MIER3: variants seen among roughly 807,000 people sequenced by gnomAD.
MIER3 encodes MIER family member 3.
MIER3 carries 9 observed loss-of-function variants against 63.2 expected under a neutral mutation model. The observed-to-expected ratio is 0.14, with a 90% confidence interval of 0.09 to 0.25. The LOEUF (loss-of-function observed/expected upper bound fraction) is 0.25. Among genes scored for constraint, MIER3 ranks in the 10% least tolerant of loss-of-function variants. The pLI is 1.00. For synonymous variants in MIER3, 205 were observed against 224.9 expected, an observed-to-expected ratio of 0.91 and a Z score of 0.79; for missense variants, 512 against 666.2, an observed-to-expected ratio of 0.77 and a Z score of 2.55.
At position 56,922,025 on chromosome 5, in the gene MIER3, T is replaced by C. The variant is rs1009746321; in HGVS notation, c.*1103A>G. 2.6e-5 allele frequency: 4 copies of C among 152,634 alleles called. No individual in the cohort carries two copies. The highest frequency in any genetic ancestry group is 1.5e-5 in the Non-Finnish European group (1 of 68,036). The allele number at this position is 152,634 out of a possible 1,614,324, so 9.5% of individuals were successfully genotyped here. A position where few individuals can be genotyped will look rare whatever the true frequency, so the allele number is the denominator to read the frequency against. ...TGGTAATGTACCATTCTATTTCAGA[T>C]AGGAACTCACATTATTCTTGCCAAC... is the stretch of plus-strand genomic sequence containing the variant. On this transcript the variant is annotated 3_prime_UTR_variant, in exon 13 of 13. Transcript: ENST00000381199.
chr5:56,940,901 C>A, intron 3 of MIER3: 1 of 901,114 alleles, frequency 1.1e-6, no homozygotes, highest in Non-Finnish European at 1.3e-6. Context: ...ACAAGAGGTG[C>A]CTGGGTTGCA....
intron 4 of MIER3, chr5:56,938,296 A>G (rs1310658253): frequency 4.2e-6 from 2 of 471,148 alleles, no homozygotes; most frequent in Non-Finnish European, 8.8e-6. Flanking sequence ...TATAACTCAC[A>G]GGAAGAGGTT....
chr5:56,927,678 G>T (rs252896), intron 10 of MIER3, among the ~76,000 whole-genome samples: 2 of 152,186 alleles, frequency 1.3e-5, no homozygotes, highest in Non-Finnish European at 1.5e-5. Context: ...TTGGAGTAGT[G>T]TATCTGTTAA....
At chr5:56,938,288 T>TA in intron 4 of MIER3, 1 of 471,206 alleles carries the variant, frequency 2.1e-6, no homozygotes, top group South Asian at 1.5e-5. Flanking sequence ...GGGAACAATA[T>TA]AACTCACAGG....
At position 56,935,730 on chromosome 5, in the gene MIER3, T is replaced by C; in HGVS notation, c.458A>G (p.Asp153Gly). 3 of 1,614,008 alleles carry C rather than the reference T, an allele frequency of 1.9e-6. No homozygotes were observed. The highest frequency in any genetic ancestry group is 1.1e-5 in the South Asian group (1 of 91,062). The change falls in exon 6 of 13, where the codon GAT (aspartate) becomes GGT (glycine). Residue 153 changes from aspartate (D) to glycine (G), a missense_variant. By Grantham distance (94) the Asp-to-Gly change is moderately conservative (BLOSUM62 -1). Transcript: ENST00000381199. Reference protein sequence around the residue: ...PLRSNTACDGDKESEVEDVET... With the variant: ...PLRSNTACDGGKESEVEDVET... ...AACATCTTCAACCTCTGATTCCTTA[T>C]CACCATCACATGCAGTATTTGCTTA...
At position 56,933,191 on chromosome 5, in the gene MIER3, A is replaced by C. The variant is rs956362538; in HGVS notation, c.747+56T>G. ...GTTAAAAATATCTGTATCAAATATA[A>C]GAAATCAAGAAGATACTGTAAACTG... On this transcript the variant is annotated intron_variant, in intron 8 of 12. Transcript: ENST00000381199. The C allele has an allele frequency of 1.3e-5, 19 of 1,464,692 alleles. No individual in the cohort carries two copies. The African/African-American group carries it at 2.3e-4, about 18-fold the overall frequency. The allele number at this position is 1,464,692 out of a possible 1,614,324, so 90.7% of individuals were successfully genotyped here.
intron 3 of MIER3, among the ~76,000 whole-genome samples, chr5:56,943,799 G>A (rs1380816237): frequency 6.6e-6 from 1 of 152,128 alleles, no homozygotes; most frequent in East Asian, 1.9e-4. Context: ...AAGGATCTGT[G>A]GTAGCTAAAT....
Position 56,933,307 on chromosome 5 carries a change from A to G in MIER3, c.687T>C (p.Thr229=). The G allele has an allele frequency of 6.2e-7, 1 of 1,613,388 alleles. No individual in the cohort carries two copies. Among genetic ancestry groups the G allele is most frequent in the East Asian group, 2.2e-5 (1 of 44,792 alleles). ...KEYLVETSLR[T]GSEKIMDRIS... The stretch of plus-strand genomic sequence containing the variant: ...TCCTATCCATTATTTTTTCACTGCC[A>G]GTCCTTAATGAAGTCTCAACAAGGT... Residue 229 remains threonine (T), a synonymous_variant, in exon 8 of 13, where the codon ACT becomes ACC. Transcript: ENST00000381199.
At chr5:56,942,660 C>T (rs1056188635) in intron 3 of MIER3, among the ~76,000 whole-genome samples, 2 of 151,806 alleles carry the variant, frequency 1.3e-5, no homozygotes, top group East Asian at 3.9e-4. Flanking sequence ...AATTAAAATG[C>T]GGGCAAAGAA....
At position 56,935,506 on chromosome 5, in the gene MIER3, G is replaced by C; in HGVS notation, c.523-6C>G. 1 of 1,577,836 alleles carries C rather than the reference G, an allele frequency of 6.3e-7. No individual in the cohort carries two copies. Among genetic ancestry groups the C allele is most frequent in the Non-Finnish European group, 8.6e-7 (1 of 1,167,892 alleles). On this transcript the variant is annotated splice_region_variant and splice_polypyrimidine_tract_variant and intron_variant, in intron 6 of 12. Transcript: ENST00000381199. ...TGTAAACCAATCATTATTTCCTACA[G>C]GAAAATTGAGAGGTAAAAATAACTT...
chr5:56,943,455 A>G (rs1750721197), intron 3 of MIER3, among the ~76,000 whole-genome samples: 1 of 152,166 alleles, frequency 6.6e-6, no homozygotes, highest in Non-Finnish European at 1.5e-5. Context: ...AAGTTTGTAC[A>G]TGTGAGGGAG....
rs765189249 is a variant in MIER3 at position 56,935,486 on chromosome 5, A to C, written c.537T>G (p.Gly179=). Residue 179 remains glycine (G), a synonymous_variant, in exon 7 of 13, where the codon GGT becomes GGG. Transcript: ENST00000381199. The part of the protein sequence containing the change: ...PEDLRKEIMI[G]LQYQAEIPPY... The stretch of plus-strand genomic sequence containing the variant: ...GGGGAATCTCTGCCTGATATTGTAA[A>C]CCAATCATTATTTCCTACAGGAAAA... 3 of 1,592,290 alleles carry C rather than the reference A, an allele frequency of 1.9e-6. No homozygotes were observed. The highest frequency in any genetic ancestry group is 2.6e-6 in the Non-Finnish European group (3 of 1,173,974).
intron 9 of MIER3, chr5:56,929,594 C>T (rs1750184394): frequency 6.6e-6 from 1 of 152,066 alleles, no homozygotes; most frequent in South Asian, 2.1e-4. Flanking sequence ...ACCACAAGTT[C>T]TTTAATTAGA....
At chr5:56,925,955 A>C (rs1749955478) in intron 10 of MIER3, among the ~76,000 whole-genome samples, 1 of 152,110 alleles carries the variant, frequency 6.6e-6, no homozygotes, top group Non-Finnish European at 1.5e-5. Flanking sequence ...GGGTACAGTC[A>C]ACTGATCTTT....
intron 2 of MIER3, among the ~76,000 whole-genome samples, chr5:56,948,484 C>A (rs1008401508): frequency 2.6e-5 from 4 of 151,900 alleles, no homozygotes; most frequent in African/African-American, 4.8e-5. Context: ...GTCAACATAG[C>A]GAAACCCTGT....
In MIER3 at chr5:56,923,364, C is replaced by G; in HGVS notation, c.1417G>C (p.Glu473Gln). ...SELNPMNMCS[E>Q]ESERPAKRLK... ...CTTTTTGCTGGTCTCTCTGACTCTT[C>G]ACTGCACATGTTCATAGGGTTTAGC... The change falls in exon 13 of 13, where the codon GAA becomes CAA. Residue 473 changes from glutamate to glutamine, a missense_variant. Physicochemically the swap from Glu to Gln is conservative, Grantham distance 29. Around this residue, in one of 5 missense-constraint regions of MIER3, gnomAD observed 218 missense variants for 251.2 expected, o/e 0.87. Transcript: ENST00000381199. The G allele has an allele frequency of 6.2e-7, 1 of 1,614,174 alleles. No homozygotes were observed. The highest frequency in any genetic ancestry group is 8.5e-7 in the Non-Finnish European group (1 of 1,180,040).
chr5:56,942,941 G>C (rs1477720927), intron 3 of MIER3, among the ~76,000 whole-genome samples: 1 of 152,080 alleles, frequency 6.6e-6, no homozygotes, highest in African/African-American at 2.4e-5. Context: ...CCAGGAGTTG[G>C]AGACCAGCCT....
chr5:56,947,735 C>A (rs59649777), intron 2 of MIER3, among the ~76,000 whole-genome samples: 15 of 152,296 alleles, frequency 9.8e-5, no homozygotes, highest in African/African-American at 3.6e-4. Context: ...TAACAAAGTT[C>A]TTAGGATTAT....
At chr5:56,942,590 A>G (rs1404948563) in intron 3 of MIER3, among the ~76,000 whole-genome samples, 3 of 152,222 alleles carry the variant, frequency 2.0e-5, no homozygotes, top group African/African-American at 7.2e-5. Flanking sequence ...GGTTTGAGTG[A>G]GAACACCCAG....
Sources: gnomAD v4.1 joint callset for allele counts (sites outside exome capture counted in the v4.1 genomes callset) on GRCh38, gnomAD v4.1.1 for gene constraint, gnomAD v4.1.1 regional missense constraint, MANE v1.5 for transcripts, NCBI Gene and HGNC (gene_info 2026-07-23, HGNC 2026-07-21) for gene names.